Variants in AOPEP observed in about 807,000 individuals in gnomAD.
AOPEP encodes the protein aminopeptidase O (putative), also known as aminopeptidase O.
In AOPEP, 77 loss-of-function variants were observed where a neutral mutation model predicts 98.1. The observed-to-expected ratio is 0.78, with a 90% CI of 0.65 to 0.95. AOPEP has a LOEUF of 0.95. Ranked by LOEUF, AOPEP falls within the 40% of genes least tolerant of loss-of-function variation. The probability of loss-of-function intolerance (pLI) is 0.00; values close to 1 mark genes in which losing one functional copy is unlikely to be tolerated. For missense variants in AOPEP, 1,024 were observed against 1,024.7 expected, an observed-to-expected ratio of 1.00 and a Z score of 0.01; for synonymous variants, 346 against 365.3, an observed-to-expected ratio of 0.95 and a Z score of 0.60.
the AOPEP span, among the ~76,000 whole-genome samples, chr9:95,092,912 T>G: frequency 6.6e-6 from 1 of 152,220 alleles, no homozygotes; most frequent in Admixed American, 6.5e-5. Flanking sequence ...CCCTGAGGTT[T>G]CTGCATTCTG....
intron 5 of AOPEP, among the ~76,000 whole-genome samples, chr9:94,867,004 C>T (rs1184589649): frequency 6.6e-6 from 1 of 152,196 alleles, no homozygotes. Flanking sequence ...ATTCCAAGAT[C>T]TAATTATGAT....
chr9:95,129,325 T>C, the AOPEP span, among the ~76,000 whole-genome samples: 2 of 152,198 alleles, frequency 1.3e-5, no homozygotes, highest in African/African-American at 2.4e-5. Flanking sequence ...CCCAGCGACA[T>C]CAAATCACAA....
chr9:95,046,231 T>G (rs1404016281), intron 13 of AOPEP, among the ~76,000 whole-genome samples: 1 of 152,244 alleles, frequency 6.6e-6, no homozygotes, highest in Admixed American at 6.5e-5. Flanking sequence ...TTTTGTGGCT[T>G]ATCCCAAAGG....
intron 5 of AOPEP, among the ~76,000 whole-genome samples, chr9:94,812,104 T>G (rs1850736847): frequency 6.6e-6 from 1 of 152,206 alleles, no homozygotes; most frequent in African/African-American, 2.4e-5. Flanking sequence ...TGGATTTTCC[T>G]GTACTATGTT....
chr9:94,890,178 C>T (rs2048720500), intron 5 of AOPEP, among the ~76,000 whole-genome samples: 1 of 151,886 alleles, frequency 6.6e-6, no homozygotes, highest in Non-Finnish European at 1.5e-5. Context: ...CAGGTGCGCA[C>T]CACTATGCCT....
the AOPEP span, chr9:95,135,538 A>G: frequency 6.3e-7 from 1 of 1,593,622 alleles, no homozygotes; most frequent in Non-Finnish European, 8.6e-7. Flanking sequence ...TTAAACAGAA[A>G]TGGCTCACTG....
chr9:94,983,450 G>A (rs113407725), intron 11 of AOPEP, among the ~76,000 whole-genome samples: 8 of 152,044 alleles, frequency 5.3e-5, no homozygotes, highest in Admixed American at 2.0e-4. Flanking sequence ...ATTATATTTC[G>A]CTTGGACTGG....
chr9:95,022,586 G>A lies in AOPEP; in HGVS notation c.2115+16970G>A, dbSNP rs536776043. 7.2e-4 allele frequency among the ~76,000 whole-genome samples: 109 copies of A among 152,054 alleles called. 2 individuals carry two copies. Among genetic ancestry groups the A allele is most frequent in the African/African-American group, 2.3e-3 (97 of 41,510 alleles). ...GATTTCCTGACCTCATGATCCGCCC[G>A]CCTTGGCCTCCCAAAGTGCTGGGAT... On this transcript the variant is annotated intron_variant, in intron 13 of 16. Coordinates refer to ENST00000375315, the MANE Select transcript of AOPEP (RefSeq NM_001193329.3).
intron 9 of AOPEP, among the ~76,000 whole-genome samples, chr9:94,958,897 A>G (rs1282608179): frequency 6.6e-6 from 1 of 151,188 alleles, no homozygotes; most frequent in South Asian, 2.1e-4. Context: ...CAATGTATCT[A>G]TTTTCTCTTT....
chr9:94,729,587 AAAAAAG>A (rs1307888656), intron 1 of AOPEP, among the ~76,000 whole-genome samples: 1 of 151,480 alleles, frequency 6.6e-6, no homozygotes, highest in African/African-American at 2.4e-5. Context: ...AAAAAAAAAA[AAAAAAG>A]AAAGAAAAGA....
intron 1 of AOPEP, among the ~76,000 whole-genome samples, chr9:94,734,175 G>T (rs186941416): frequency 1.4e-4 from 21 of 152,272 alleles, no homozygotes; most frequent in Non-Finnish European, 2.6e-4. Context: ...CAGCTGCAGC[G>T]CCGGGAACAT....
chr9:94,774,169 G>A (rs912309133), intron 3 of AOPEP, among the ~76,000 whole-genome samples: 13 of 151,552 alleles, frequency 8.6e-5, no homozygotes, highest in African/African-American at 1.9e-4. Flanking sequence ...AAAATTAGCC[G>A]GGCGTGGGGG....
chr9:95,039,580 A>G (rs573073625), intron 13 of AOPEP, among the ~76,000 whole-genome samples: 1 of 152,178 alleles, frequency 6.6e-6, no homozygotes, highest in Non-Finnish European at 1.5e-5. Flanking sequence ...CTCAAAAACA[A>G]AAAATAAAAC....
At chr9:94,892,114 C>A (rs746671056) in intron 5 of AOPEP, among the ~76,000 whole-genome samples, 4 of 151,706 alleles carry the variant, frequency 2.6e-5, no homozygotes, top group Non-Finnish European at 5.9e-5. Context: ...GATTTTTTTT[C>A]TTTGTCTTTT....
chr9:95,008,743 A>G (rs1239768680), intron 13 of AOPEP, among the ~76,000 whole-genome samples: 1 of 152,174 alleles, frequency 6.6e-6, no homozygotes, highest in Non-Finnish European at 1.5e-5. Flanking sequence ...GAATTGTGCC[A>G]TCTTTCTGTG....
At chr9:95,134,208 G>A in the AOPEP span, among the ~76,000 whole-genome samples, 1 of 152,152 alleles carries the variant, frequency 6.6e-6, no homozygotes, top group Non-Finnish European at 1.5e-5. Context: ...ACGGGATCGC[G>A]GAGGAAGGCA....
intron 13 of AOPEP, among the ~76,000 whole-genome samples, chr9:95,031,432 C>T (rs535606736): frequency 2.6e-5 from 4 of 152,090 alleles, no homozygotes; most frequent in Non-Finnish European, 5.9e-5. Context: ...TGCCAGAACA[C>T]GACGTCATCT....
intron 5 of AOPEP, among the ~76,000 whole-genome samples, chr9:94,896,799 C>G (rs1326283757): frequency 1.3e-5 from 2 of 151,866 alleles, no homozygotes; most frequent in African/African-American, 2.4e-5. Flanking sequence ...ATGTGGTATT[C>G]TGGTAAAAAC....
At chr9:94,805,520 C>T (rs1479207330) in intron 5 of AOPEP, among the ~76,000 whole-genome samples, 1 of 151,224 alleles carries the variant, frequency 6.6e-6, no homozygotes, top group East Asian at 1.9e-4. Flanking sequence ...GCAACAACAA[C>T]TGAATGAAAA....
Sources: gnomAD v4.1 joint callset for allele counts (sites outside exome capture counted in the v4.1 genomes callset) on GRCh38, gnomAD v4.1.1 for gene constraint, MANE v1.5 for transcripts, NCBI Gene and HGNC (gene_info 2026-07-23, HGNC 2026-07-21) for gene names.